Variants in ARHGAP21 observed in about 807,000 individuals in gnomAD.
ARHGAP21 encodes Rho GTPase activating protein 21.
ARHGAP21 carries 38 observed loss-of-function variants against 164.6 expected under a neutral mutation model. The ratio of observed to expected loss-of-function variants is 0.23; its 90% CI spans 0.18 to 0.30. The LOEUF (loss-of-function observed/expected upper bound fraction) is 0.30, where lower values mean the gene tolerates loss of function less well. Ranked by LOEUF, ARHGAP21 falls within the 10% of genes least tolerant of loss-of-function variation. The pLI is 1.00. For synonymous variants in ARHGAP21, 766 were observed against 857.9 expected, an observed-to-expected ratio of 0.89 and a Z score of 1.87; for missense variants, 1,822 against 2,370.7, an observed-to-expected ratio of 0.77 and a Z score of 4.81.
chr10:24,713,507 A>C (rs1455378416), intron 2 of ARHGAP21, among the ~76,000 whole-genome samples: 2 of 152,248 alleles, frequency 1.3e-5, no homozygotes, highest in Non-Finnish European at 2.9e-5. Flanking sequence ...ATGAATAGTC[A>C]GAAATATCAA....
intron 21 of ARHGAP21, among the ~76,000 whole-genome samples, chr10:24,594,675 T>C (rs113512530): frequency 4.7e-4 from 72 of 152,306 alleles, no homozygotes; most frequent in African/African-American, 1.4e-3. Context: ...CTTCAAAATA[T>C]TGATATACAG....
At chr10:24,600,596 A>G (rs1242003244) in intron 14 of ARHGAP21, 50 bp downstream of exon 14, 2 of 1,568,762 alleles carry the variant, frequency 1.3e-6, no homozygotes, top group East Asian at 4.5e-5. Context: ...TCTTTGTAAG[A>G]AAGTGTTGTG....
intron 7 of ARHGAP21, chr10:24,628,888 TATATAC>T (rs1835456430): frequency 9.1e-6 from 1 of 109,618 alleles, no homozygotes; most frequent in Non-Finnish European, 1.8e-5. Context: ...TATACACATA[TATATAC>T]ATACATATAT....
chr10:24,677,658 C>T lies in ARHGAP21; in HGVS notation c.64-7261G>A, dbSNP rs201275920. 3.7e-4 allele frequency among the ~76,000 whole-genome samples: 56 copies of T among 152,212 alleles called. 1 individual carries two copies. In the East Asian group the frequency reaches 0.01, roughly 27 times the overall value. On this transcript the variant is annotated intron_variant, in intron 2 of 25. Coordinates refer to ENST00000396432, the MANE Select transcript of ARHGAP21 (RefSeq NM_020824.4). ...CAAAAGCAAGCATATGATTAGGTAG[C>T]GTTTATAGGGTAAGAGGTATGCTAG...
chr10:24,624,855 C>G (rs1834939684), intron 7 of ARHGAP21, among the ~76,000 whole-genome samples: 1 of 151,964 alleles, frequency 6.6e-6, no homozygotes, highest in Non-Finnish European at 1.5e-5. Context: ...GTGAATTCAA[C>G]AGAATATGAC....
chr10:24,615,158 C>A (rs2077424834), intron 9 of ARHGAP21, among the ~76,000 whole-genome samples: 1 of 152,150 alleles, frequency 6.6e-6, no homozygotes, highest in Non-Finnish European at 1.5e-5. Flanking sequence ...TCATTGCACT[C>A]CAGTTTAGGC....
chr10:24,595,253 TC>T (rs2130826402), intron 19 of ARHGAP21, 63 bp from the exon 20 acceptor site: 1 of 1,348,170 alleles, frequency 7.4e-7, no homozygotes, highest in Admixed American at 2.0e-5. Context: ...TAATCTAGTT[TC>T]CCTTTAAGGA....
chr10:24,717,033 T>C (rs1175171952), intron 2 of ARHGAP21, among the ~76,000 whole-genome samples: 2 of 152,226 alleles, frequency 1.3e-5, no homozygotes, highest in Non-Finnish European at 2.9e-5. Flanking sequence ...GCAATAGAGA[T>C]ATACACATGT....
chr10:24,655,830 C>T (rs1838781725), intron 4 of ARHGAP21, among the ~76,000 whole-genome samples: 1 of 136,548 alleles, frequency 7.3e-6, no homozygotes, highest in Non-Finnish European at 1.6e-5. Flanking sequence ...CCCGGCCGCC[C>T]ATCGTCTGAG....
chr10:24,719,637 T>A (rs1278892103), intron 2 of ARHGAP21, among the ~76,000 whole-genome samples: 1 of 152,250 alleles, frequency 6.6e-6, no homozygotes, highest in Non-Finnish European at 1.5e-5. Context: ...TTATTGATTT[T>A]TAAAATTTTT....
In ARHGAP21 at chr10:24,596,833, T is replaced by C. The variant is rs755602046; in HGVS notation, c.3384A>G (p.Pro1128=). The C allele has an allele frequency of 1.2e-6, 2 of 1,611,428 alleles. No individual in the cohort carries two copies. The highest frequency in any genetic ancestry group is 4.5e-5 in the East Asian group (2 of 44,626). Residue 1128 remains proline (P), a synonymous_variant, in exon 17 of 26, where the codon CCA becomes CCG. Transcript: ENST00000396432. Reference sequence around the variant, plus strand: ...TCTCAAATGTCTTTCTCATGATACTTGGAATGCCTTTTCTCCATGTGCCTT... The same window carrying C: ...TCTCAAATGTCTTTCTCATGATACTCGGAATGCCTTTTCTCCATGTGCCTT... ...KDKGTWRKGI[P]SIMRKTFEKK... is the part of the protein sequence containing the mutation.
intron 17 of ARHGAP21, 107 bp downstream of exon 17, chr10:24,596,633 A>T: frequency 6.7e-7 from 1 of 1,490,404 alleles, no homozygotes; most frequent in Non-Finnish European, 9.1e-7. Flanking sequence ...ATGAAAAGGA[A>T]AACAGATTGA....
chr10:24,664,980 T>C (rs1411283574), intron 4 of ARHGAP21, among the ~76,000 whole-genome samples: 1 of 152,232 alleles, frequency 6.6e-6, no homozygotes, highest in Admixed American at 6.5e-5. Flanking sequence ...AATGTCTTTC[T>C]ATATTTATTA....
intron 22 of ARHGAP21, 45 bp downstream of exon 22, chr10:24,591,842 T>C: frequency 6.3e-7 from 1 of 1,594,264 alleles, no homozygotes; most frequent in Non-Finnish European, 8.5e-7. Flanking sequence ...TGAATTTTCT[T>C]GCAGAGATGA....
intron 2 of ARHGAP21, among the ~76,000 whole-genome samples, chr10:24,693,676 G>C (rs1293430898): frequency 6.6e-6 from 1 of 151,904 alleles, no homozygotes; most frequent in East Asian, 1.9e-4. Context: ...CTTGCAGAGG[G>C]ATTGACTCTA....
intron 21 of ARHGAP21, among the ~76,000 whole-genome samples, chr10:24,593,301 C>A (rs1388617266): frequency 2.6e-5 from 4 of 152,114 alleles, no homozygotes; most frequent in Non-Finnish European, 5.9e-5. Context: ...AAACTGGGCA[C>A]CCAGAAATGT....
At chr10:24,716,192 C>T (rs1424718292) in intron 2 of ARHGAP21, among the ~76,000 whole-genome samples, 1 of 152,206 alleles carries the variant, frequency 6.6e-6, no homozygotes, top group Non-Finnish European at 1.5e-5. Flanking sequence ...ACTGCACTCT[C>T]AACACCTGCG....
intron 2 of ARHGAP21, among the ~76,000 whole-genome samples, chr10:24,703,344 A>C (rs550425108): frequency 3.1e-4 from 47 of 152,306 alleles, no homozygotes; most frequent in African/African-American, 1.1e-3. Context: ...GAATACGCTA[A>C]TAATAATTGT....
chr10:24,596,372 T>C, intron 17 of ARHGAP21: 2 of 445,208 alleles, frequency 4.5e-6, no homozygotes, highest in East Asian at 3.7e-5. Flanking sequence ...TATCAATTCA[T>C]GATACGAATC....
Sources: gnomAD v4.1 joint callset for allele counts (sites outside exome capture counted in the v4.1 genomes callset) on GRCh38, gnomAD v4.1.1 for gene constraint, MANE v1.5 for transcripts, NCBI Gene and HGNC (gene_info 2026-07-23, HGNC 2026-07-21) for gene names.